The following CUBN variants were observed in gnomAD, a reference collection of about 807,000 sequenced individuals.
CUBN encodes 460 kDa receptor.
In CUBN, 282 loss-of-function variants were observed where a neutral mutation model predicts 405.3. The ratio of observed to expected loss-of-function variants is 0.70; its 90% CI spans 0.63 to 0.77. The LOEUF is 0.77. Among genes scored for constraint, CUBN ranks in the 30% least tolerant of loss-of-function variants. CUBN has a pLI of 0.00. For synonymous variants in CUBN, 1,684 were observed against 1,617.0 expected (o/e 1.04, Z -0.99); for missense variants, 4,514 against 4,475.2 (o/e 1.01, Z -0.25).
intron 14 of CUBN, among the ~76,000 whole-genome samples, chr10:17,090,229 T>C (rs11254364): frequency 0.024 from 3,628 of 152,282 alleles, 54 homozygotes; most frequent in Non-Finnish European, 0.035. Context: ...CTCCAGGATA[T>C]ATGATGTGAA....
intron 28 of CUBN, among the ~76,000 whole-genome samples, chr10:17,001,317 G>C (rs1452228845): frequency 6.6e-6 from 1 of 152,228 alleles, no homozygotes; most frequent in Non-Finnish European, 1.5e-5. Flanking sequence ...TGGTGCGCAG[G>C]AGGCCAGCTT....
chr10:17,036,541 A>T (rs1485261175), intron 27 of CUBN, among the ~76,000 whole-genome samples: 7 of 152,148 alleles, frequency 4.6e-5, no homozygotes, highest in Non-Finnish European at 8.8e-5. Flanking sequence ...TGTGGCTCAG[A>T]TTGTGTTTCG....
rs1036055316 is a variant in CUBN, at chr10:17,105,324, A to T, written c.1230+133T>A. 8.0e-6 allele frequency: 6 copies of T among 749,276 alleles called. No homozygotes were observed. In the South Asian group the frequency reaches 8.5e-5, roughly 11 times the overall value. 46.4% of individuals were successfully genotyped at this position (749,276 alleles called of 1,614,324 possible). ...AAAATCATTATCTATCTTTCATCTGAGAGTTCTCGACAGTTCCTTATCTGA... is the reference window on the plus strand; with the variant it reads ...AAAATCATTATCTATCTTTCATCTGTGAGTTCTCGACAGTTCCTTATCTGA... On this transcript the variant is annotated intron_variant, in intron 11 of 66. Transcript: ENST00000377833.
intron 59 of CUBN, among the ~76,000 whole-genome samples, chr10:16,862,187 C>CAA (rs1043702363): frequency 6.6e-6 from 1 of 151,416 alleles, no homozygotes; most frequent in Non-Finnish European, 1.5e-5. Context: ...CACACACACA[C>CAA]ACACACATCA....
intron 28 of CUBN, among the ~76,000 whole-genome samples, chr10:16,993,352 ACT>A (rs1034514563): frequency 3.3e-5 from 5 of 152,246 alleles, no homozygotes; most frequent in African/African-American, 1.2e-4. Flanking sequence ...TTCACATAAA[ACT>A]CTGTGTAACA....
chr10:16,950,231 A>G, intron 33 of CUBN, 120 bp from the exon 34 acceptor site: 1 of 701,664 alleles, frequency 1.4e-6, no homozygotes, highest in Non-Finnish European at 2.6e-6. Flanking sequence ...GGAATGAGTA[A>G]GACCTGTTTG....
chr10:16,871,249 C>A (rs1232426432), intron 58 of CUBN, among the ~76,000 whole-genome samples: 1 of 151,590 alleles, frequency 6.6e-6, no homozygotes, highest in African/African-American at 2.4e-5. Context: ...GCCATGTTGG[C>A]CAGGCTGGTC....
At chr10:16,962,151 C>T (rs1843244062) in intron 31 of CUBN, among the ~76,000 whole-genome samples, 1 of 152,126 alleles carries the variant, frequency 6.6e-6, no homozygotes, top group African/African-American at 2.4e-5. Flanking sequence ...ATTTCTTAAT[C>T]TGCAAAATTG....
intron 27 of CUBN, among the ~76,000 whole-genome samples, chr10:17,022,050 T>A (rs1003667414): frequency 3.9e-5 from 6 of 152,188 alleles, no homozygotes; most frequent in African/African-American, 1.4e-4. Context: ...ATTTGCACTC[T>A]GTACAGTTAG....
Position 16,948,506 on chromosome 10 carries a change from G to A in CUBN, c.5181C>T (p.Phe1727=). 1 of 1,614,004 alleles carries A rather than the reference G, an allele frequency of 6.2e-7. No homozygotes were observed. Among genetic ancestry groups the A allele is most frequent in the Non-Finnish European group, 8.5e-7 (1 of 1,179,956 alleles). The change falls in exon 35 of 67, where the codon TTC becomes TTT. Residue 1727 remains phenylalanine (F), a synonymous_variant. Coordinates refer to ENST00000377833, the MANE Select transcript of CUBN (RefSeq NM_001081.4). ...ACACTGATGCGGTGACCGTGGTGTG[G>A]AAACCCCCAGCACTGATGCTAGAAT... ...VSDSSISAGG[F]HTTVTASVSA... is the part of the protein sequence containing the mutation.
chr10:16,975,624 C>CTTTTTTTTTT (rs199779818), intron 31 of CUBN, among the ~76,000 whole-genome samples: 2 of 124,308 alleles, frequency 1.6e-5, no homozygotes, highest in African/African-American at 3.1e-5. Flanking sequence ...TAAAGACCTT[C>CTTTTTTTTTT]TTTTTTTTTT....
chr10:17,023,157 C>T (rs1051808634), intron 27 of CUBN, among the ~76,000 whole-genome samples: 1 of 150,066 alleles, frequency 6.7e-6, no homozygotes, highest in African/African-American at 2.5e-5. Context: ...TGGATCTCAG[C>T]TGTTCAGTGG....
chr10:16,891,726 A>C (rs752036648), intron 54 of CUBN, among the ~76,000 whole-genome samples: 5 of 152,032 alleles, frequency 3.3e-5, no homozygotes, highest in Admixed American at 2.0e-4. Context: ...AAAAAACCCC[A>C]AAAACATTAA....
intron 10 of CUBN, among the ~76,000 whole-genome samples, chr10:17,107,806 G>T (rs1836672387): frequency 6.6e-6 from 1 of 152,130 alleles, no homozygotes; most frequent in South Asian, 2.1e-4. Flanking sequence ...AAAAATACAA[G>T]TTTTGTTATG....
At chr10:16,988,920 C>A (rs573724571) in intron 29 of CUBN, among the ~76,000 whole-genome samples, 17 of 152,144 alleles carry the variant, frequency 1.1e-4, no homozygotes, top group African/African-American at 3.4e-4. Flanking sequence ...CCTCATGGAA[C>A]GATTTAATGT....
intron 59 of CUBN, among the ~76,000 whole-genome samples, chr10:16,858,990 A>G (rs1839941139): frequency 6.6e-6 from 1 of 152,234 alleles, no homozygotes; most frequent in African/African-American, 2.4e-5. Flanking sequence ...GATCATAGAC[A>G]CAAATGAAAA....
rs186159410 is a variant in CUBN at position 17,058,851 on chromosome 10, G to T, written c.3139+6657C>A. 7.9e-3 allele frequency among the ~76,000 whole-genome samples: 1,199 copies of T among 152,160 alleles called. 23 individuals are homozygous for T. Among genetic ancestry groups the T allele is most frequent in the Non-Finnish European group, 7.6e-3 (519 of 67,972 alleles). ...TACAAGGATATTTATGTGTTGGCAT[G>T]ATGCTTATTATTACATCAATACAAA... On this transcript the variant is annotated intron_variant, in intron 22 of 66. Transcript: ENST00000377833.
At chr10:16,872,644 T>C (rs1588608567) in intron 58 of CUBN, among the ~76,000 whole-genome samples, 1 of 152,224 alleles carries the variant, frequency 6.6e-6, no homozygotes. Context: ...TGCCTCGACC[T>C]TGGACTTTTG....
chr10:17,068,592 AACAG>A lies in CUBN; in HGVS notation c.2791+9_2791+12del. ...CCCAAGAGGAGGAAAAAAAAAAGGG[AACAG>A]TCTCTTACCCAAATCCTCAGCACTG... is the stretch of plus-strand genomic sequence containing the variant. On this transcript the variant is annotated intron_variant, in intron 20 of 66. Transcript: ENST00000377833. 2 of 1,598,858 alleles carry A rather than the reference AACAG, an allele frequency of 1.3e-6. No individual in the cohort carries two copies. Among genetic ancestry groups the A allele is most frequent in the African/African-American group, 2.8e-5 (2 of 72,554 alleles).
Sources: gnomAD v4.1 joint callset for allele counts (sites outside exome capture counted in the v4.1 genomes callset) on GRCh38, gnomAD v4.1.1 for gene constraint, MANE v1.5 for transcripts, NCBI Gene and HGNC (gene_info 2026-07-23, HGNC 2026-07-21) for gene names.